Variants in RAP2A observed in about 807,000 individuals in gnomAD.
The protein encoded by RAP2A is RAP2A, member of RAS oncogene family.
In RAP2A, 5 loss-of-function variants were observed where a neutral mutation model predicts 15.1. That is an observed-to-expected ratio of 0.33 (90% CI 0.17 to 0.70). The LOEUF (loss-of-function observed/expected upper bound fraction) is 0.70, where lower values mean the gene tolerates loss of function less well. Ranked by LOEUF, RAP2A falls within the 30% of genes least tolerant of loss-of-function variation. The probability of loss-of-function intolerance (pLI) is 0.68; values close to 1 mark genes in which losing one functional copy is unlikely to be tolerated. For synonymous variants in RAP2A, 110 were observed against 99.7 expected (o/e 1.10, Z -0.62); for missense variants, 111 against 240.3 (o/e 0.46, Z 3.56).
chr13:97,438,866 G>A (rs1330773192), intron 1 of RAP2A, among the ~76,000 whole-genome samples: 1 of 152,172 alleles, frequency 6.6e-6, no homozygotes, highest in Non-Finnish European at 1.5e-5. Flanking sequence ...AAAAATGAAT[G>A]TTCAGAAAGA....
chr13:97,435,405 A>C (rs753173852), intron 1 of RAP2A, among the ~76,000 whole-genome samples: 35 of 149,338 alleles, frequency 2.3e-4, no homozygotes, highest in Non-Finnish European at 4.1e-4. Flanking sequence ...CAGGAAAAGA[A>C]TGCAGCTTAA....
Position 97,465,645 on chromosome 13 carries a change from C to A in RAP2A, c.*1203C>A, listed in dbSNP as rs2066767485. ...GAATTATATAAAGGTTTTCTTAGAA[C>A]AATTTTGCCCTGATTACTGAAGCGT... is the stretch of plus-strand genomic sequence containing the variant. On this transcript the variant is annotated 3_prime_UTR_variant, in exon 2 of 2. Coordinates refer to ENST00000245304, the MANE Select transcript of RAP2A (RefSeq NM_021033.7). The A allele has an allele frequency of 6.6e-6, 1 of 152,400 alleles. No homozygotes were observed. The highest frequency in any genetic ancestry group is 2.1e-4 in the South Asian group (1 of 4,830). 9.4% of individuals were successfully genotyped at this position (152,400 alleles called of 1,614,324 possible).
chr13:97,444,724 T>A (rs564498308), intron 1 of RAP2A, among the ~76,000 whole-genome samples: 2 of 152,354 alleles, frequency 1.3e-5, no homozygotes, highest in Admixed American at 1.3e-4. Context: ...TCAAAATATT[T>A]TTGCACCAAA....
At chr13:97,459,763 C>T (rs2066738783) in intron 1 of RAP2A, among the ~76,000 whole-genome samples, 1 of 152,196 alleles carries the variant, frequency 6.6e-6, no homozygotes, top group African/African-American at 2.4e-5. Flanking sequence ...TGATCCACAT[C>T]TTTTTTTCCA....
chr13:97,435,911 A>C (rs1450447742), intron 1 of RAP2A: 1 of 152,212 alleles, frequency 6.6e-6, no homozygotes, highest in Non-Finnish European at 1.5e-5. Context: ...CCGTAGACAC[A>C]GTCACATTGT....
intron 1 of RAP2A, among the ~76,000 whole-genome samples, chr13:97,457,046 T>C (rs957687419): frequency 2.6e-5 from 4 of 152,122 alleles, no homozygotes; most frequent in African/African-American, 9.7e-5. Context: ...CATAACACTT[T>C]ATTAAAAGAT....
At chr13:97,438,363 T>TA (rs1460011200) in intron 1 of RAP2A, among the ~76,000 whole-genome samples, 2 of 152,156 alleles carry the variant, frequency 1.3e-5, no homozygotes, top group East Asian at 3.9e-4. Context: ...ACCCAGACCT[T>TA]AAGTCCTTGA....
chr13:97,464,624 T>G lies in RAP2A; in HGVS notation c.*182T>G. 1 of 626,882 alleles carries G rather than the reference T, an allele frequency of 1.6e-6. No individual in the cohort carries two copies. Among genetic ancestry groups the G allele is most frequent in the Non-Finnish European group, 2.8e-6 (1 of 360,596 alleles). 38.8% of individuals were successfully genotyped at this position (626,882 alleles called of 1,614,324 possible). ...CTGAGTAACATTTGGGTTCAGTAAC[T>G]ACAGTTTTCACCATTTGTCCTCAGT... On this transcript the variant is annotated 3_prime_UTR_variant, in exon 2 of 2. Transcript: ENST00000245304.
intron 1 of RAP2A, among the ~76,000 whole-genome samples, chr13:97,461,585 T>G (rs2066746072): frequency 6.6e-6 from 1 of 152,204 alleles, no homozygotes; most frequent in Non-Finnish European, 1.5e-5. Context: ...AACTTAATAA[T>G]TTGATTTATT....
chr13:97,458,603 T>G (rs536678108), intron 1 of RAP2A, among the ~76,000 whole-genome samples: 11 of 152,314 alleles, frequency 7.2e-5, no homozygotes, highest in Middle Eastern at 3.4e-3. Context: ...TAATAGACTC[T>G]TGGGTCCTGA....
At chr13:97,448,910 G>T (rs907549803) in intron 1 of RAP2A, among the ~76,000 whole-genome samples, 1 of 152,176 alleles carries the variant, frequency 6.6e-6, no homozygotes, top group Non-Finnish European at 1.5e-5. Flanking sequence ...GGAGAGAAGG[G>T]TGCAGCCTTG....
In RAP2A at chr13:97,464,270, C is replaced by G. The variant is rs1308470971; in HGVS notation, c.380C>G (p.Ser127Trp). 6.2e-7 allele frequency: 1 copy of G among 1,614,096 alleles called. No individual in the cohort carries two copies. Among genetic ancestry groups the G allele is most frequent in the Admixed American group, 1.7e-5 (1 of 60,010 alleles). ...KVDLESEREVSSSEGRALAEE... is the reference protein window; with the variant it reads ...KVDLESEREVWSSEGRALAEE... ...GACCTGGAAAGTGAGAGAGAAGTAT[C>G]GTCCAGCGAAGGCAGAGCCCTTGCT... The change falls in exon 2 of 2, where the codon TCG (serine) becomes TGG (tryptophan). Residue 127 changes from serine to tryptophan, a missense_variant. Ser to Trp is a radical substitution (Grantham distance 177, BLOSUM62 -3). Transcript: ENST00000245304.
At chr13:97,435,837 T>C (rs1244305934) in intron 1 of RAP2A, 1 of 152,230 alleles carries the variant, frequency 6.6e-6, no homozygotes, top group Non-Finnish European at 1.5e-5. Flanking sequence ...GTCCTTTTTT[T>C]CCTGCCTTAT....
At chr13:97,449,965 G>GT (rs897670375) in intron 1 of RAP2A, among the ~76,000 whole-genome samples, 5,157 of 144,238 alleles carry the variant, frequency 0.036, 270 homozygotes, top group African/African-American at 0.12. Context: ...AGTGTTTGGG[G>GT]TTTTTTTTTT....
chr13:97,461,972 AT>A lies in RAP2A; in HGVS notation c.315-2232del, dbSNP rs66928069. ...AGCGAGACTCCGTCTCAAAAAAAAA[AT>A]ATATATATATATATATTTATATATT... is the stretch of plus-strand genomic sequence containing the variant. On this transcript the variant is annotated intron_variant, in intron 1 of 1. Transcript: ENST00000245304. Among the ~76,000 whole-genome samples the A allele has an allele frequency of 7.9e-4, 100 of 126,600 alleles. 1 individual carries two copies. In the South Asian group the frequency reaches 0.011, roughly 14 times the overall value. The allele number at this position is 126,600 out of a possible 152,430, so 83.1% of individuals were successfully genotyped here.
intron 1 of RAP2A, among the ~76,000 whole-genome samples, chr13:97,448,270 T>C (rs2066687858): frequency 6.6e-6 from 1 of 152,114 alleles, no homozygotes; most frequent in Admixed American, 6.5e-5. Flanking sequence ...TAAATAACAG[T>C]TTTGGTACAT....
intron 1 of RAP2A, among the ~76,000 whole-genome samples, chr13:97,441,010 C>T (rs1394919343): frequency 6.6e-6 from 1 of 152,178 alleles, no homozygotes; most frequent in Non-Finnish European, 1.5e-5. Flanking sequence ...GAAAAGGAAA[C>T]TTTTGTTTTG....
intron 1 of RAP2A, among the ~76,000 whole-genome samples, chr13:97,461,999 TATATTTATATATTTATATAG>T (rs1371661786): frequency 6.9e-6 from 1 of 144,808 alleles, no homozygotes; most frequent in South Asian, 2.1e-4. Flanking sequence ...TTTATATATT[TATATTTATATATTTATATAG>T]ATATTTATAT....
intron 1 of RAP2A, among the ~76,000 whole-genome samples, chr13:97,438,865 T>C (rs1350951078): frequency 1.3e-5 from 2 of 152,208 alleles, no homozygotes; most frequent in Non-Finnish European, 2.9e-5. Flanking sequence ...AAAAAATGAA[T>C]GTTCAGAAAG....
Sources: gnomAD v4.1 joint callset for allele counts (sites outside exome capture counted in the v4.1 genomes callset) on GRCh38, gnomAD v4.1.1 for gene constraint, MANE v1.5 for transcripts, NCBI Gene and HGNC (gene_info 2026-07-23, HGNC 2026-07-21) for gene names.